The following PSG8 variants were observed in gnomAD, a reference collection of about 807,000 sequenced individuals.
The protein encoded by PSG8 is pregnancy specific beta-1-glycoprotein 8.
In PSG8, 57 loss-of-function variants were observed where a neutral mutation model predicts 42.5. The ratio of observed to expected loss-of-function variants is 1.34; its 90% confidence interval spans 1.08 to 1.67. PSG8 has a LOEUF of 1.67. Ranked by LOEUF, PSG8 falls within the 40% of genes most tolerant of loss-of-function variation. The pLI is 0.00. For synonymous variants in PSG8, 280 were observed against 196.8 expected, an observed-to-expected ratio of 1.42 and a Z score of -3.54; for missense variants, 783 against 518.6, an observed-to-expected ratio of 1.51 and a Z score of -4.95.
Position 42,754,386 on chromosome 19 carries a change from C to G in PSG8, c.1190G>C (p.Arg397Pro). ...GCTTTCCTTGCCAGTGGCTGAGTTA[C>G]GAACAGAGCAAGCATAGAGCCCGCT... ...KHSGLYACSV[R>P]NSATGKESSK... Residue 397 changes from arginine (R) to proline (P), a missense_variant, in exon 5 of 5, where the codon CGT becomes CCT. Arg to Pro is a moderately radical substitution (Grantham distance 103). Transcript: ENST00000306511. 1 of 1,613,740 alleles carries G rather than the reference C, an allele frequency of 6.2e-7. No homozygotes were observed. The highest frequency in any genetic ancestry group is 8.5e-7 in the Non-Finnish European group (1 of 1,179,780).
chr19:42,759,561 G>A (rs555881697), intron 2 of PSG8, among the ~76,000 whole-genome samples: 23 of 152,266 alleles, frequency 1.5e-4, no homozygotes, highest in Non-Finnish European at 2.2e-4. Flanking sequence ...CAATGCGCCA[G>A]TGAGCACTTC....
chr19:42,760,888 A>C (rs1970056612), intron 2 of PSG8, among the ~76,000 whole-genome samples: 1 of 152,094 alleles, frequency 6.6e-6, no homozygotes, highest in African/African-American at 2.4e-5. Context: ...TCTCTGAGGG[A>C]GTTTAACGAG....
chr19:42,753,076 G>A (rs1387481876), downstream of PSG8: 5 of 608,030 alleles, frequency 8.2e-6, no homozygotes, highest in African/African-American at 7.4e-5. Context: ...GTTAAGAGGG[G>A]TGAGAGCCTC....
downstream of PSG8, chr19:42,753,815 G>A: frequency 2.3e-6 from 1 of 434,850 alleles, no homozygotes; most frequent in South Asian, 1.8e-5. Flanking sequence ...CTGTTACAAA[G>A]AGAGCAGATT....
rs184081434 is a variant in PSG8 at position 42,759,508 on chromosome 19, A to T, written c.431-1228T>A. 4.6e-3 allele frequency among the ~76,000 whole-genome samples: 707 copies of T among 152,288 alleles called. 13 individuals are homozygous for T. Among genetic ancestry groups the T allele is most frequent in the African/African-American group, 0.012 (510 of 41,564 alleles). On this transcript the variant is annotated intron_variant, in intron 2 of 4. Transcript: ENST00000306511. ...TTTTGTTTTGGAATATTTGCAGTAC[A>T]TGTACTGGTTTAGCATCCCAAATCT...
intron 2 of PSG8, among the ~76,000 whole-genome samples, chr19:42,762,244 G>A (rs1457761693): frequency 3.3e-5 from 5 of 151,876 alleles, no homozygotes; most frequent in Middle Eastern, 3.2e-3. Flanking sequence ...GCAGAGAGAG[G>A]CAGAGACACC....
In PSG8 at chr19:42,763,552, C is replaced by T. The variant is rs577931502; in HGVS notation, c.430+364G>A. 1.1e-4 allele frequency: 37 copies of T among 339,174 alleles called. No individual in the cohort carries two copies. The East Asian group carries it at 2.7e-3, about 25-fold the overall frequency. The allele number at this position is 339,174 out of a possible 1,614,324, so 21.0% of individuals were successfully genotyped here. A position where few individuals can be genotyped will look rare whatever the true frequency, so the allele number is the denominator to read the frequency against. On this transcript the variant is annotated intron_variant, in intron 2 of 4. Coordinates refer to ENST00000306511, the MANE Select transcript of PSG8 (RefSeq NM_182707.3). ...GGGTGAGGCTTCTAGGGCTGAGCTT[C>T]TCTGAGAGTATCTCAGGGGCTCCTC...
Position 42,765,561 on chromosome 19 carries a change from AG to A in PSG8, c.20del (p.Pro7LeufsTer19), listed in dbSNP as rs1970197640. The A allele has an allele frequency of 6.2e-7, 1 of 1,610,878 alleles. No homozygotes were observed. Among genetic ancestry groups the A allele is most frequent in the Non-Finnish European group, 8.5e-7 (1 of 1,178,028 alleles). On this transcript the variant is annotated frameshift_variant, in exon 1 of 5. Coordinates refer to ENST00000306511, the MANE Select transcript of PSG8 (RefSeq NM_182707.3). LOFTEE classifies it high-confidence loss of function. ...TCCAGGTGATGCGCTGTGTGCAGGG[AG>A]GGGCTGAGAGGAGCCCCATGGTCTC... MGLLSA[P>X]PCTQRITWKG...
chr19:42,762,097 G>T (rs961528081), intron 2 of PSG8, among the ~76,000 whole-genome samples: 17 of 151,404 alleles, frequency 1.1e-4, no homozygotes, highest in Non-Finnish European at 2.1e-4. Flanking sequence ...AGGCCACAGT[G>T]TTAGTGGGAA....
chr19:42,761,174 C>T (rs1294911327), intron 2 of PSG8, among the ~76,000 whole-genome samples: 1 of 152,178 alleles, frequency 6.6e-6, no homozygotes, highest in Non-Finnish European at 1.5e-5. Flanking sequence ...GGCATCTAGT[C>T]TCAGGCTGGC....
intron 1 of PSG8, among the ~76,000 whole-genome samples, chr19:42,764,987 C>G (rs1970179252): frequency 6.6e-6 from 1 of 151,930 alleles, no homozygotes; most frequent in East Asian, 1.9e-4. Context: ...TATCATATTT[C>G]AAAATGTGGT....
chr19:42,763,350 T>C (rs1055546401), intron 2 of PSG8, among the ~76,000 whole-genome samples: 2 of 152,120 alleles, frequency 1.3e-5, no homozygotes, highest in Admixed American at 6.5e-5. Flanking sequence ...ACTCTGTCCT[T>C]GCCCAGATGA....
In PSG8 at chr19:42,764,235, C is replaced by T. The variant is rs556036611; in HGVS notation, c.111G>A (p.Thr37=). ...AAACTTTGGTTGGCTGGGCTTCAAT[C>T]GTGACTTGGGCAGTCGTGGGTGGGT... ...FWNPPTTAQV[T]IEAQPTKVSE... is the part of the protein sequence containing the mutation. The change falls in exon 2 of 5, where the codon ACG becomes ACA. Residue 37 remains threonine, a synonymous_variant. Transcript: ENST00000306511. 1.8e-5 allele frequency: 29 copies of T among 1,613,690 alleles called. No individual in the cohort carries two copies. Among genetic ancestry groups the T allele is most frequent in the Middle Eastern group, 1.7e-4 (1 of 6,046 alleles).
At chr19:42,761,675 C>A (rs1330693371) in intron 2 of PSG8, among the ~76,000 whole-genome samples, 1 of 152,016 alleles carries the variant, frequency 6.6e-6, no homozygotes, top group African/African-American at 2.4e-5. Context: ...ATTTTTTAGT[C>A]CTGTGCTCCT....
Position 42,755,233 on chromosome 19 carries a change from T to A in PSG8, c.743A>T (p.Asn248Ile), listed in dbSNP as rs78350496. The change falls in exon 4 of 5, where the codon AAC (asparagine) becomes ATC (isoleucine). Residue 248 changes from asparagine (N) to isoleucine (I), a missense_variant. Asn to Ile is a moderately radical substitution (Grantham distance 149). Coordinates refer to ENST00000306511, the MANE Select transcript of PSG8 (RefSeq NM_182707.3). ...KLPKPYITIN[N>I]LKPRENKDVL... ...ATCCTTATTCTCCCTGGGTTTTAAG[T>A]TGTTGATGGTGATGTAGGGCTTGGG... The A allele has an allele frequency of 3.7e-4, 600 of 1,612,094 alleles. 3 individuals are homozygous for A. Among genetic ancestry groups the A allele is most frequent in the Middle Eastern group, 3.0e-3 (14 of 4,686 alleles).
At chr19:42,760,870 C>T (rs1407902630) in intron 2 of PSG8, among the ~76,000 whole-genome samples, 1 of 152,146 alleles carries the variant, frequency 6.6e-6, no homozygotes, top group Non-Finnish European at 1.5e-5. Context: ...AGCCACTGTG[C>T]CCAGCCATCT....
At chr19:42,765,074 C>T (rs1305274464) in intron 1 of PSG8, among the ~76,000 whole-genome samples, 3 of 152,034 alleles carry the variant, frequency 2.0e-5, no homozygotes, top group African/African-American at 2.4e-5. Context: ...TGTGACTTTC[C>T]TGTTTTGACC....
chr19:42,760,649 CT>C (rs1159925194), intron 2 of PSG8, among the ~76,000 whole-genome samples: 1 of 151,960 alleles, frequency 6.6e-6, no homozygotes, highest in Non-Finnish European at 1.5e-5. Flanking sequence ...GTGGCATGAT[CT>C]CATCTCACTG....
intron 2 of PSG8, among the ~76,000 whole-genome samples, chr19:42,760,696 C>G (rs945323954): frequency 1.3e-5 from 2 of 152,050 alleles, no homozygotes; most frequent in Admixed American, 1.3e-4. Flanking sequence ...CATTCTCCTG[C>G]CTCAGCCTCC....
Sources: gnomAD v4.1 joint callset for allele counts (sites outside exome capture counted in the v4.1 genomes callset) on GRCh38, gnomAD v4.1.1 for gene constraint, MANE v1.5 for transcripts, NCBI Gene and HGNC (gene_info 2026-07-23, HGNC 2026-07-21) for gene names.